RUFY1: variants seen among roughly 807,000 people sequenced by gnomAD.
The protein encoded by RUFY1 is RUN and FYVE domain-containing protein 1.
Under a neutral mutation model 94.6 loss-of-function variants are expected in RUFY1, and 54 were observed. That is an observed-to-expected ratio of 0.57 (90% CI 0.46 to 0.72). RUFY1 has a LOEUF of 0.72. Among genes scored for constraint, RUFY1 ranks in the 30% least tolerant of loss-of-function variants. The pLI, the probability that RUFY1 is intolerant of heterozygous loss-of-function variation, is 0.00. For missense variants in RUFY1, 883 were observed against 883.9 expected, an observed-to-expected ratio of 1.00 and a Z score of 0.01; for synonymous variants, 396 against 347.3, an observed-to-expected ratio of 1.14 and a Z score of -1.56.
chr5:179,561,747 A>G (rs1762477122), intron 2 of RUFY1, among the ~76,000 whole-genome samples: 1 of 127,636 alleles, frequency 7.8e-6, no homozygotes, highest in East Asian at 2.2e-4. Flanking sequence ...CAGTGGTGCA[A>G]TCTCGGCTCA....
chr5:179,609,757 G>T lies in RUFY1; in HGVS notation c.*238G>T. ...TCTTACTTGGTTACATCACGGCTCTGGTTCAGATACAACTTCATGATTTTG... is the reference window on the plus strand; with the variant it reads ...TCTTACTTGGTTACATCACGGCTCTTGTTCAGATACAACTTCATGATTTTG... On this transcript the variant is annotated 3_prime_UTR_variant, in exon 18 of 18. Transcript: ENST00000319449. The T allele has an allele frequency of 2.3e-6, 1 of 444,414 alleles. No individual in the cohort carries two copies. 27.5% of individuals were successfully genotyped at this position (444,414 alleles called of 1,614,324 possible). A position where few individuals can be genotyped will look rare whatever the true frequency, so the allele number is the denominator to read the frequency against.
At position 179,608,540 on chromosome 5, in the gene RUFY1, C is replaced by A. The variant is rs533107009; in HGVS notation, c.1984-836C>A. 46 of 985,488 alleles carry A rather than the reference C, an allele frequency of 4.7e-5. No homozygotes were observed. The South Asian group carries it at 1.8e-3, about 39-fold the overall frequency. The allele number at this position is 985,488 out of a possible 1,614,324, so 61.0% of individuals were successfully genotyped here. Reference sequence around the variant, plus strand: ...GGATCTACTCCACCCCCTTGGAATGCAGCAAAGAGAACGAACCAGACTCTT... The same window carrying A: ...GGATCTACTCCACCCCCTTGGAATGAAGCAAAGAGAACGAACCAGACTCTT... On this transcript the variant is annotated intron_variant, in intron 17 of 17. Coordinates refer to ENST00000319449, the MANE Select transcript of RUFY1 (RefSeq NM_025158.5).
At position 179,551,948 on chromosome 5, in the gene RUFY1, G is replaced by A. The variant is rs556186384; in HGVS notation, c.310+1069G>A. Reference sequence around the variant, plus strand: ...TGGGAGGCCGAAGCGGGTGGATCACGAGGTCAAGAGATCGAGACCATCCTG... The same window carrying A: ...TGGGAGGCCGAAGCGGGTGGATCACAAGGTCAAGAGATCGAGACCATCCTG... On this transcript the variant is annotated intron_variant, in intron 1 of 17. Transcript: ENST00000319449. Among the ~76,000 whole-genome samples the A allele has an allele frequency of 8.8e-3, 1,340 of 151,414 alleles. 7 individuals carry two copies. The highest frequency in any genetic ancestry group is 0.014 in the Non-Finnish European group (964 of 67,810).
chr5:179,597,221 TTTTGTG>T (rs1351230200), intron 13 of RUFY1, among the ~76,000 whole-genome samples: 1 of 151,746 alleles, frequency 6.6e-6, no homozygotes, highest in African/African-American at 2.4e-5. Flanking sequence ...CCCGGCTAAT[TTTTGTG>T]TTTGTGTTTT....
rs1013210758 is a variant in RUFY1, at chr5:179,550,889, G to T, written c.310+10G>T. 1.9e-5 allele frequency: 22 copies of T among 1,143,460 alleles called. No individual in the cohort carries two copies. The highest frequency in any genetic ancestry group is 2.2e-5 in the Non-Finnish European group (21 of 933,770). 70.8% of individuals were successfully genotyped at this position (1,143,460 alleles called of 1,614,324 possible). A position where few individuals can be genotyped will look rare whatever the true frequency, so the allele number is the denominator to read the frequency against. On this transcript the variant is annotated intron_variant, in intron 1 of 17. Transcript: ENST00000319449. ...GGCACGGCGCGCGCAGGTAGGCTCG[G>T]GCCGGGTCTGTCCCGCGGCGGACTC...
chr5:179,561,849 AT>A (rs563144613), intron 2 of RUFY1, among the ~76,000 whole-genome samples: 346 of 146,396 alleles, frequency 2.4e-3, no homozygotes, highest in African/African-American at 7.9e-3. Context: ...CTCTCGGCTA[AT>A]TTTTTTTTTA....
chr5:179,581,074 G>T, intron 7 of RUFY1, 62 bp downstream of exon 7: 1 of 1,023,438 alleles, frequency 9.8e-7, no homozygotes, highest in Non-Finnish European at 1.5e-6. Flanking sequence ...ATTGCTTCAT[G>T]GAACTTCGAG....
At chr5:179,578,880 A>T (rs1484525350) in intron 6 of RUFY1, among the ~76,000 whole-genome samples, 1 of 149,154 alleles carries the variant, frequency 6.7e-6, no homozygotes, top group Non-Finnish European at 1.5e-5. Flanking sequence ...CCAACCTCAG[A>T]TGATCCGCCT....
chr5:179,581,686 C>CT (rs140137888), intron 7 of RUFY1, among the ~76,000 whole-genome samples: 19,674 of 141,338 alleles, frequency 0.14, 1,413 homozygotes, highest in Middle Eastern at 0.19. Context: ...TTTTACTTTT[C>CT]TTTTTTTTTT....
At chr5:179,588,223 C>T (rs1014301368) in intron 8 of RUFY1, among the ~76,000 whole-genome samples, 1 of 152,110 alleles carries the variant, frequency 6.6e-6, no homozygotes, top group Non-Finnish European at 1.5e-5. Context: ...GAGGAATTCT[C>T]AGGGGGTGTA....
Position 179,566,289 on chromosome 5 carries a change from C to T in RUFY1, c.603-1172C>T, listed in dbSNP as rs375963253. ...CTCTTCTTTTCTTTCTTTTCTGCTTCTCTGGAGATAATGCTAGAATACAGA... is the reference window on the plus strand; with the variant it reads ...CTCTTCTTTTCTTTCTTTTCTGCTTTTCTGGAGATAATGCTAGAATACAGA... On this transcript the variant is annotated intron_variant, in intron 3 of 17. Transcript: ENST00000319449. 1.6e-3 allele frequency among the ~76,000 whole-genome samples: 244 copies of T among 151,318 alleles called. 4 individuals carry two copies. In the South Asian group the frequency reaches 0.049, roughly 30 times the overall value.
At chr5:179,560,562 A>AC (rs1762373503) in intron 2 of RUFY1, among the ~76,000 whole-genome samples, 1 of 151,166 alleles carries the variant, frequency 6.6e-6, no homozygotes, top group Admixed American at 6.6e-5. Flanking sequence ...TACTAAAAAA[A>AC]AAAAATACAA....
At chr5:179,581,204 C>G (rs1217677016) in intron 7 of RUFY1, among the ~76,000 whole-genome samples, 192 bp downstream of exon 7, 2 of 152,154 alleles carry the variant, frequency 1.3e-5, no homozygotes, top group Admixed American at 6.5e-5. Flanking sequence ...CTTGGGAAAT[C>G]TTTATTCTGT....
chr5:179,558,611 TTTAC>T (rs1213267240), intron 1 of RUFY1, among the ~76,000 whole-genome samples: 28 of 151,948 alleles, frequency 1.8e-4, no homozygotes, highest in African/African-American at 6.0e-4. Context: ...AACGAAATGC[TTTAC>T]TTAAGCCACT....
chr5:179,608,079 G>A (rs72824534), intron 17 of RUFY1, among the ~76,000 whole-genome samples: 13,634 of 152,202 alleles, frequency 0.09, 697 homozygotes, highest in Middle Eastern at 0.13. Flanking sequence ...TCTAGGCAGC[G>A]TGCTTGCCCC....
rs531442719 is a variant in RUFY1 at position 179,592,613 on chromosome 5, A to T, written c.1246-865A>T. Among the ~76,000 whole-genome samples, 108 of 152,294 alleles carry T rather than the reference A, an allele frequency of 7.1e-4. 1 individual carries two copies. Among genetic ancestry groups the T allele is most frequent in the South Asian group, 3.5e-3 (17 of 4,822 alleles). On this transcript the variant is annotated intron_variant, in intron 10 of 17. Coordinates refer to ENST00000319449, the MANE Select transcript of RUFY1 (RefSeq NM_025158.5). ...GATTAACGGTTTCTTTGACAATACA[A>T]TTCTCTCCGTCATAACCTCTGGCCT...
chr5:179,589,291 A>G (rs1006769457), intron 8 of RUFY1: 16 of 421,626 alleles, frequency 3.8e-5, no homozygotes, highest in African/African-American at 2.8e-4. Flanking sequence ...GCAATATGCT[A>G]TCATTTTTGT....
chr5:179,574,178 T>C (rs1209940156), intron 5 of RUFY1, among the ~76,000 whole-genome samples: 1 of 152,032 alleles, frequency 6.6e-6, no homozygotes, highest in East Asian at 1.9e-4. Flanking sequence ...GGACAGATCA[T>C]GAGGTCAGGA....
chr5:179,596,170 C>T, intron 12 of RUFY1: 1 of 303,338 alleles, frequency 3.3e-6, no homozygotes, highest in South Asian at 2.8e-5. Flanking sequence ...AAGGAATGAA[C>T]CACTGCCCTT....
Sources: gnomAD v4.1 joint callset for allele counts (sites outside exome capture counted in the v4.1 genomes callset) on GRCh38, gnomAD v4.1.1 for gene constraint, MANE v1.5 for transcripts, NCBI Gene and HGNC (gene_info 2026-07-23, HGNC 2026-07-21) for gene names.